The following INTS9 variants were observed in gnomAD, a reference collection of about 807,000 sequenced individuals.
INTS9 encodes the protein protein related to CPSF subunits of 74 kDa.
In INTS9, 55 loss-of-function variants were observed where a neutral mutation model predicts 79.7. The observed-to-expected ratio is 0.69, with a 90% confidence interval of 0.56 to 0.86. The LOEUF (loss-of-function observed/expected upper bound fraction) is 0.86. INTS9 is among the 40% of genes least tolerant of loss of function. The pLI is 0.00. For missense variants in INTS9, 721 were observed against 831.5 expected (o/e 0.87, Z 1.64); for synonymous variants, 319 against 325.2 (o/e 0.98, Z 0.20).
Position 28,883,017 on chromosome 8 carries a change from A to ACT in INTS9, c.9+6855_9+6856dup, listed in dbSNP as rs1473843316. On this transcript the variant is annotated intron_variant, in intron 1 of 16. Coordinates refer to ENST00000521022, the MANE Select transcript of INTS9 (RefSeq NM_018250.4). ...TTCCCTTCCTGTCCTTTCTTTTCCT[A>ACT]CTCTTGCCTTTTCTTGCGATCCCTG... Among the ~76,000 whole-genome samples the ACT allele has an allele frequency of 2.0e-5, 3 of 150,732 alleles. No individual in the cohort carries two copies. The East Asian group carries it at 5.8e-4, about 29-fold the overall frequency.
intron 1 of INTS9, among the ~76,000 whole-genome samples, chr8:28,878,071 G>T (rs144883980): frequency 6.6e-6 from 1 of 152,216 alleles, no homozygotes; most frequent in African/African-American, 2.4e-5. Flanking sequence ...ACAAAATGAG[G>T]TAGTTCTAGA....
At chr8:28,837,593 G>A in intron 5 of INTS9, 44 bp downstream of exon 5, 9 of 1,593,692 alleles carry the variant, frequency 5.6e-6, no homozygotes, top group Non-Finnish European at 7.7e-6. Context: ...TGAGGGAGGA[G>A]CTCCGCAGTC....
chr8:28,862,464 G>A (rs1808511640), intron 1 of INTS9, among the ~76,000 whole-genome samples: 1 of 152,140 alleles, frequency 6.6e-6, no homozygotes, highest in African/African-American at 2.4e-5. Context: ...GTTGAACATT[G>A]AGGGTTGTTT....
intron 6 of INTS9, among the ~76,000 whole-genome samples, chr8:28,818,827 A>G (rs1314958962): frequency 6.6e-6 from 1 of 151,722 alleles, no homozygotes; most frequent in African/African-American, 2.4e-5. Flanking sequence ...CCACAATTTC[A>G]GAGCCTGTTA....
intron 10 of INTS9, among the ~76,000 whole-genome samples, chr8:28,792,552 C>CAA (rs35056670): frequency 3.2e-4 from 48 of 149,262 alleles, no homozygotes; most frequent in East Asian, 4.0e-4. Flanking sequence ...CAAACAAAAA[C>CAA]AAAAAAAAAA....
In INTS9 at chr8:28,786,284, AT is replaced by A. The variant is rs778149304; in HGVS notation, c.1098+1544del. On this transcript the variant is annotated intron_variant, in intron 11 of 16. Coordinates refer to ENST00000521022, the MANE Select transcript of INTS9 (RefSeq NM_018250.4). ...TCAGTACTATTACCAAAAATTTTAG[AT>A]TTTTTTTTTTTTTTGAGACAGGGTC... 8.6e-3 allele frequency among the ~76,000 whole-genome samples: 1,236 copies of A among 142,988 alleles called. 7 individuals carry two copies. Among genetic ancestry groups the A allele is most frequent in the African/African-American group, 0.019 (722 of 38,994 alleles). 93.8% of individuals were successfully genotyped at this position (142,988 alleles called of 152,430 possible). A position where few individuals can be genotyped will look rare whatever the true frequency, so the allele number is the denominator to read the frequency against.
chr8:28,843,959 T>A (rs1425636337), intron 4 of INTS9, among the ~76,000 whole-genome samples: 1 of 152,156 alleles, frequency 6.6e-6, no homozygotes, highest in African/African-American at 2.4e-5. Context: ...TGGTACTGCA[T>A]GAAGCACGAC....
At chr8:28,828,925 CA>C (rs1330832717) in intron 6 of INTS9, among the ~76,000 whole-genome samples, 1 of 152,142 alleles carries the variant, frequency 6.6e-6, no homozygotes, top group Non-Finnish European at 1.5e-5. Context: ...TCAGGTGATC[CA>C]CCAGCCTTGG....
chr8:28,769,673 T>C, intron 16 of INTS9: 1 of 577,098 alleles, frequency 1.7e-6, no homozygotes, highest in Non-Finnish European at 3.0e-6. Flanking sequence ...AGAGGCCTTC[T>C]GGTGACCTCG....
intron 8 of INTS9, chr8:28,798,296 T>C (rs994401422): frequency 2.0e-5 from 3 of 152,196 alleles, no homozygotes; most frequent in Non-Finnish European, 4.4e-5. Flanking sequence ...GTGCGAGTTA[T>C]CAACTGCAAG....
chr8:28,786,803 C>T (rs867587233), intron 11 of INTS9, among the ~76,000 whole-genome samples: 24 of 152,080 alleles, frequency 1.6e-4, no homozygotes, highest in African/African-American at 4.1e-4. Flanking sequence ...CTGCAAGCTC[C>T]GCCTCCCAGG....
intron 1 of INTS9, among the ~76,000 whole-genome samples, chr8:28,860,062 TCA>T (rs1472376320): frequency 6.6e-6 from 1 of 152,206 alleles, no homozygotes; most frequent in South Asian, 2.1e-4. Flanking sequence ...AGGTTTATGC[TCA>T]GTCTTGTCAG....
chr8:28,778,027 C>T, intron 12 of INTS9, 74 bp from the exon 13 acceptor site: 2 of 1,463,416 alleles, frequency 1.4e-6, no homozygotes, highest in African/African-American at 1.4e-5. Context: ...GCAACTGGGG[C>T]GCTGAGGGCC....
chr8:28,814,119 G>A (rs1408220164), intron 6 of INTS9, among the ~76,000 whole-genome samples: 1 of 150,696 alleles, frequency 6.6e-6, no homozygotes, highest in Non-Finnish European at 1.5e-5. Flanking sequence ...CGCCCAAAAT[G>A]TGTCAACAGA....
chr8:28,851,852 T>C (rs1807855299), intron 2 of INTS9, among the ~76,000 whole-genome samples: 2 of 152,200 alleles, frequency 1.3e-5, no homozygotes, highest in African/African-American at 4.8e-5. Flanking sequence ...ATACCCTTTA[T>C]CTAGATTAAC....
intron 10 of INTS9, among the ~76,000 whole-genome samples, chr8:28,791,750 T>G (rs191388381): frequency 6.6e-6 from 1 of 152,326 alleles, no homozygotes; most frequent in South Asian, 2.1e-4. Flanking sequence ...TCCTCAGTGC[T>G]TTGGCACTTA....
intron 6 of INTS9, among the ~76,000 whole-genome samples, chr8:28,828,273 C>T (rs188357647): frequency 5.3e-5 from 8 of 152,290 alleles, no homozygotes; most frequent in Non-Finnish European, 8.8e-5. Context: ...ACCTTGCTTT[C>T]GTCAGAAAGG....
At chr8:28,787,961 G>T in intron 10 of INTS9, 72 bp from the exon 11 acceptor site, 1 of 977,580 alleles carries the variant, frequency 1.0e-6, no homozygotes. Flanking sequence ...CCTAGTGGCA[G>T]CAGTGCAAAT....
At chr8:28,839,906 A>G (rs1807060629) in intron 4 of INTS9, among the ~76,000 whole-genome samples, 1 of 146,550 alleles carries the variant, frequency 6.8e-6, no homozygotes, top group Non-Finnish European at 1.5e-5. Flanking sequence ...CTAAAACACC[A>G]AAAGCAATGG....
Sources: gnomAD v4.1 joint callset for allele counts (sites outside exome capture counted in the v4.1 genomes callset) on GRCh38, gnomAD v4.1.1 for gene constraint, MANE v1.5 for transcripts, NCBI Gene and HGNC (gene_info 2026-07-23, HGNC 2026-07-21) for gene names.